KTN1: variants seen among roughly 807,000 people sequenced by gnomAD.
KTN1 encodes kinectin.
A neutral mutation model predicts 222.5 loss-of-function variants in KTN1; 130 were observed. The observed-to-expected ratio is 0.58, with a 90% CI of 0.51 to 0.68. The LOEUF is 0.68. Ranked by LOEUF, KTN1 falls within the 30% of genes least tolerant of loss-of-function variation. The pLI is 0.00. For synonymous variants in KTN1, 512 were observed against 496.3 expected, an observed-to-expected ratio of 1.03 and a Z score of -0.42; for missense variants, 1,508 against 1,500.4, an observed-to-expected ratio of 1.01 and a Z score of -0.08.
intron 18 of KTN1, chr14:55,644,529 T>G (rs2042104928): frequency 1.7e-6 from 1 of 593,784 alleles, no homozygotes; most frequent in Non-Finnish European, 3.1e-6. Flanking sequence ...AAATAAATCA[T>G]TTACTAATAT....
Position 55,634,614 on chromosome 14 carries a change from G to GA in KTN1, c.1419dup (p.Val474SerfsTer7). Reference sequence around the variant, plus strand: ...GAAAACAGGAAAGCTACAGCAAGAGGAAGTCCAAAAGAAGAATGCTGAGCA... The same window carrying GA: ...GAAAACAGGAAAGCTACAGCAAGAGGAAAGTCCAAAAGAAGAATGCTGAGCA... On this transcript the variant is annotated frameshift_variant, in exon 9 of 44. Transcript: ENST00000395314. LOFTEE classifies it high-confidence loss of function. 6.2e-7 allele frequency: 1 copy of GA among 1,613,820 alleles called. No homozygotes were observed.
intron 2 of KTN1, among the ~76,000 whole-genome samples, chr14:55,615,624 T>G (rs2038238576): frequency 6.6e-6 from 1 of 152,144 alleles, no homozygotes; most frequent in South Asian, 2.1e-4. Context: ...TTTGGGACAC[T>G]GGGGGATCTG....
At chr14:55,661,277 G>T (rs559734971) in intron 31 of KTN1, 47 of 321,270 alleles carry the variant, frequency 1.5e-4, no homozygotes, top group Non-Finnish European at 2.5e-4. Context: ...CTTAGGGGAT[G>T]AGATTTCTCT....
chr14:55,582,411 G>A (rs10136155), intron 1 of KTN1, among the ~76,000 whole-genome samples: 11,666 of 152,056 alleles, frequency 0.077, 498 homozygotes, highest in South Asian at 0.12. Context: ...AAGAGCCTAA[G>A]ACGTGAAAAC....
intron 28 of KTN1, among the ~76,000 whole-genome samples, chr14:55,654,813 A>G (rs2043300648): frequency 6.6e-6 from 1 of 152,086 alleles, no homozygotes; most frequent in Non-Finnish European, 1.5e-5. Flanking sequence ...AAACAGTTTT[A>G]CTGCCTTAAA....
Position 55,638,400 on chromosome 14 carries a change from A to G in KTN1, c.1785+553A>G, listed in dbSNP as rs576015467. 1.8e-4 allele frequency among the ~76,000 whole-genome samples: 28 copies of G among 152,092 alleles called. No homozygotes were observed. The South Asian group carries it at 5.6e-3, about 30-fold the overall frequency. On this transcript the variant is annotated intron_variant, in intron 12 of 43. Coordinates refer to ENST00000395314, the MANE Select transcript of KTN1 (RefSeq NM_001079521.2). Reference sequence around the variant, plus strand: ...TAAAGAAAATCAAATAAAAACAAGTATTGTGAATTTTGAGCTTCAGTTTTT... The same window carrying G: ...TAAAGAAAATCAAATAAAAACAAGTGTTGTGAATTTTGAGCTTCAGTTTTT...
intron 1 of KTN1, among the ~76,000 whole-genome samples, chr14:55,603,236 A>T (rs1168884474): frequency 6.6e-6 from 1 of 151,784 alleles, no homozygotes; most frequent in Non-Finnish European, 1.5e-5. Flanking sequence ...TGTTAACCTC[A>T]TATTCTCCTC....
chr14:55,607,466 T>C (rs1337822411), intron 1 of KTN1: 3 of 152,162 alleles, frequency 2.0e-5, no homozygotes, highest in South Asian at 4.1e-4. Context: ...ACTTAGTGAG[T>C]GTGGATACTT....
chr14:55,648,254 TTTAA>T (rs1227117118), intron 20 of KTN1, 139 bp downstream of exon 20: 121 of 432,748 alleles, frequency 2.8e-4, no homozygotes, highest in South Asian at 6.8e-5. Context: ...ATAATGCTTT[TTTAA>T]TTAAAGTTTT....
rs971516800 is a variant in KTN1 at position 55,634,636 on chromosome 14, A to T, written c.1439A>T (p.Glu480Val). The T allele has an allele frequency of 1.9e-6, 3 of 1,613,416 alleles. No homozygotes were observed. The African/African-American group carries it at 4.0e-5, about 22-fold the overall frequency. ...GAGGAAGTCCAAAAGAAGAATGCTG[A>T]GCAAGCAGCTACTCAGTTGAAGGTG... ...QQEEVQKKNA[E>V]QAATQLKVQL... The change falls in exon 9 of 44, where the codon GAG (glutamate) becomes GTG (valine). Residue 480 changes from glutamate to valine, a missense_variant. Glu to Val is a moderately radical substitution (Grantham distance 121). Coordinates refer to ENST00000395314, the MANE Select transcript of KTN1 (RefSeq NM_001079521.2).
chr14:55,606,602 A>C (rs1169546939), intron 1 of KTN1, among the ~76,000 whole-genome samples: 3 of 152,174 alleles, frequency 2.0e-5, no homozygotes, highest in Non-Finnish European at 4.4e-5. Context: ...TATAGTAAAA[A>C]ATATAATTCA....
chr14:55,616,706 C>G, intron 3 of KTN1, 52 bp downstream of exon 3: 1 of 1,451,132 alleles, frequency 6.9e-7, no homozygotes. Context: ...AGAAGTACAC[C>G]AGCACAAGGA....
intron 12 of KTN1, among the ~76,000 whole-genome samples, chr14:55,638,872 C>G (rs1024914997): frequency 4.0e-5 from 6 of 151,798 alleles, no homozygotes; most frequent in Non-Finnish European, 5.9e-5. Context: ...AGAAGAAACA[C>G]AGGATGACAA....
At chr14:55,660,112 A>G (rs2043953967) in intron 31 of KTN1, among the ~76,000 whole-genome samples, 4 of 152,080 alleles carry the variant, frequency 2.6e-5, no homozygotes. Context: ...TAGATGTGGT[A>G]GCTCACGCCT....
intron 28 of KTN1, among the ~76,000 whole-genome samples, chr14:55,654,486 A>G (rs1290246746): frequency 6.6e-6 from 1 of 151,152 alleles, no homozygotes; most frequent in East Asian, 1.9e-4. Context: ...TGTTTATAGT[A>G]GAGATATGTA....
At chr14:55,664,376 C>G (rs2044473617) in intron 33 of KTN1, among the ~76,000 whole-genome samples, 1 of 152,064 alleles carries the variant, frequency 6.6e-6, no homozygotes, top group Non-Finnish European at 1.5e-5. Flanking sequence ...CCAAAGAAAT[C>G]TAGGTGAATT....
intron 43 of KTN1, chr14:55,680,471 A>G (rs1290789277): frequency 1.6e-5 from 6 of 368,708 alleles, no homozygotes; most frequent in Non-Finnish European, 2.2e-5. Context: ...TATGCACTGA[A>G]TACTTCAGAT....
intron 1 of KTN1, 22 bp from the exon 2 acceptor site, chr14:55,611,995 GTC>G: frequency 6.7e-6 from 5 of 742,072 alleles, no homozygotes; most frequent in Non-Finnish European, 7.4e-6. Context: ...TTTTTTTTTT[GTC>G]CCCACCTTCT....
chr14:55,586,858 T>C (rs2033116292), intron 1 of KTN1, among the ~76,000 whole-genome samples: 1 of 152,154 alleles, frequency 6.6e-6, no homozygotes, highest in Non-Finnish European at 1.5e-5. Context: ...TCCAAGAAAC[T>C]TTTCTGTTTC....
Sources: gnomAD v4.1 joint callset for allele counts (sites outside exome capture counted in the v4.1 genomes callset) on GRCh38, gnomAD v4.1.1 for gene constraint, MANE v1.5 for transcripts, NCBI Gene and HGNC (gene_info 2026-07-23, HGNC 2026-07-21) for gene names.